MYRF: variants seen among roughly 807,000 people sequenced by gnomAD.
MYRF encodes the protein myelin gene regulatory factor.
A neutral mutation model predicts 126.3 loss-of-function variants in MYRF; 16 were observed. That is an observed-to-expected ratio of 0.13 (90% CI 0.09 to 0.19). The LOEUF (loss-of-function observed/expected upper bound fraction) is 0.19. MYRF is among the 10% of genes least tolerant of loss of function. MYRF has a pLI of 1.00. For synonymous variants in MYRF, 608 were observed against 635.3 expected (o/e 0.96, Z 0.65); for missense variants, 1,104 against 1,547.0 (o/e 0.71, Z 4.80).
intron 1 of MYRF, among the ~76,000 whole-genome samples, chr11:61,763,153 C>A (rs1565282921): frequency 6.6e-6 from 1 of 152,266 alleles, no homozygotes; most frequent in East Asian, 1.9e-4. Flanking sequence ...GGGGGCGACG[C>A]TCCAGGTGGG....
Position 61,786,352 on chromosome 11 carries a change from A to G in MYRF, c.*209A>G. The stretch of plus-strand genomic sequence containing the variant: ...ACGGCACAGAGGGAACCTGAGAGCC[A>G]GAGACTTCTTGGGCCTTCCTGCCTG... On this transcript the variant is annotated 3_prime_UTR_variant, in exon 27 of 27. Coordinates refer to ENST00000278836, the MANE Select transcript of MYRF (RefSeq NM_001127392.3). This position sits in a 1 kb window ranked among gnomAD's most constrained non-coding sequence, Gnocchi z 4.5. 1.7e-6 allele frequency: 1 copy of G among 600,764 alleles called. No homozygotes were observed. Among genetic ancestry groups the G allele is most frequent in the East Asian group, 2.8e-5 (1 of 35,894 alleles). The allele number at this position is 600,764 out of a possible 1,614,324, so 37.2% of individuals were successfully genotyped here. A position where few individuals can be genotyped will look rare whatever the true frequency, so the allele number is the denominator to read the frequency against.
In MYRF at chr11:61,783,981, G is replaced by A. The variant is rs1565308054; in HGVS notation, c.3194+56G>A. The A allele has an allele frequency of 4.5e-6, 7 of 1,544,402 alleles. No homozygotes were observed. Among genetic ancestry groups the A allele is most frequent in the East Asian group, 2.4e-5 (1 of 42,090 alleles). Reference sequence around the variant, plus strand: ...GGAGGGGAGCCAGGGAGAATCTCCCGCAGAGCCTCAGAACAGCCGAGTCTG... The same window carrying A: ...GGAGGGGAGCCAGGGAGAATCTCCCACAGAGCCTCAGAACAGCCGAGTCTG... On this transcript the variant is annotated intron_variant, in intron 24 of 26. Coordinates refer to ENST00000278836, the MANE Select transcript of MYRF (RefSeq NM_001127392.3). The surrounding 1 kb of genome is among the most constrained non-coding windows in gnomAD (Gnocchi z 4.6).
chr11:61,781,724 C>A lies in MYRF; in HGVS notation c.2916C>A (p.Ala972=). ...CCTTCCCTGGGGGGCAGGGCAAAGCCAAGAACAGTCCCAGCCTTGGTTTCC... is the reference window on the plus strand; with the variant it reads ...CCTTCCCTGGGGGGCAGGGCAAAGCAAAGAACAGTCCCAGCCTTGGTTTCC... ...AVPFPGGQGK[A]KNSPSLGFHG... Residue 972 remains alanine (A), a synonymous_variant, in exon 22 of 27, where the codon GCC becomes GCA. Transcript: ENST00000278836. The A allele has an allele frequency of 6.2e-7, 1 of 1,613,356 alleles. No homozygotes were observed. Among genetic ancestry groups the A allele is most frequent in the Non-Finnish European group, 8.5e-7 (1 of 1,180,004 alleles).
Position 61,777,958 on chromosome 11 carries a change from C to T in MYRF, c.1903+113C>T. On this transcript the variant is annotated intron_variant, in intron 13 of 26. Transcript: ENST00000278836. This position sits in a 1 kb window ranked among gnomAD's most constrained non-coding sequence, Gnocchi z 8.8. ...ACTCCTCTTGACTCCCGGAACTGCG[C>T]CCCTGGGAATCATGCCTTCTAGAAG... 2.4e-6 allele frequency: 2 copies of T among 837,302 alleles called. No individual in the cohort carries two copies. The highest frequency in any genetic ancestry group is 1.5e-5 in the South Asian group (1 of 67,230). The allele number at this position is 837,302 out of a possible 1,614,324, so 51.9% of individuals were successfully genotyped here.
At chr11:61,769,237 G>A in intron 3 of MYRF, 23 bp from the exon 4 acceptor site, 1 of 1,529,378 alleles carries the variant, frequency 6.5e-7, no homozygotes, top group Non-Finnish European at 8.9e-7. Flanking sequence ...TCACCCCCCG[G>A]CCCCTTCCCC....
In MYRF at chr11:61,780,974, T is replaced by G. The variant is rs564773522; in HGVS notation, c.2501T>G (p.Phe834Cys). ...EALCPWSSQS[F>C]GTTQLRQSPL... The stretch of plus-strand genomic sequence containing the variant: ...TTCCCCAGCAGGTCCAGCCAGAGCT[T>G]TGGGACCACGCAGCTCCGACAGTCC... The change falls in exon 20 of 27, where the codon TTT (phenylalanine) becomes TGT (cysteine). Residue 834 changes from phenylalanine to cysteine, a missense_variant. Physicochemically the swap from Phe to Cys is radical, Grantham distance 205 (BLOSUM62 -2). Around this residue, in one of 10 missense-constraint regions of MYRF, gnomAD observed 323 missense variants for 383.1 expected, o/e 0.84. Coordinates refer to ENST00000278836, the MANE Select transcript of MYRF (RefSeq NM_001127392.3). 6.2e-7 allele frequency: 1 copy of G among 1,610,022 alleles called. No homozygotes were observed.
rs747141527 is a variant in MYRF, at chr11:61,778,498, G to T, written c.2013+9G>T. 6 of 1,601,286 alleles carry T rather than the reference G, an allele frequency of 3.7e-6. No individual in the cohort carries two copies. In the Admixed American group the frequency reaches 6.7e-5, roughly 18 times the overall value. On this transcript the variant is annotated intron_variant, in intron 14 of 26. Coordinates refer to ENST00000278836, the MANE Select transcript of MYRF (RefSeq NM_001127392.3). The surrounding 1 kb of genome is among the most constrained non-coding windows in gnomAD (Gnocchi z 4.6). ...TCCTGGTGGTGAACAAGGTCTGTGG[G>T]TGGGGGAATGGGAGGGAGCCCAGAG...
intron 4 of MYRF, among the ~76,000 whole-genome samples, 185 bp from the exon 5 acceptor site, chr11:61,770,061 G>A (rs1308647712): frequency 6.6e-6 from 1 of 151,956 alleles, no homozygotes; most frequent in South Asian, 2.1e-4. Context: ...GCAGGTTTGT[G>A]CCTCCCTGCC....
In MYRF at chr11:61,765,650, G is replaced by A. The variant is rs1410270400; in HGVS notation, c.72G>A (p.Glu24=). The A allele has an allele frequency of 6.2e-7, 1 of 1,613,048 alleles. No homozygotes were observed. The highest frequency in any genetic ancestry group is 8.5e-7 in the Non-Finnish European group (1 of 1,179,842). ...GCCACGACATCAACGGTGCCCTGGAGCCCTCCAACATAGACACCAGCATCC... is the reference window on the plus strand; with the variant it reads ...GCCACGACATCAACGGTGCCCTGGAACCCTCCAACATAGACACCAGCATCC... The part of the protein sequence containing the change: ...FEGHDINGAL[E]PSNIDTSILE... The change falls in exon 2 of 27, where the codon GAG becomes GAA. Residue 24 remains glutamate, a synonymous_variant. Coordinates refer to ENST00000278836, the MANE Select transcript of MYRF (RefSeq NM_001127392.3).
intron 8 of MYRF, among the ~76,000 whole-genome samples, chr11:61,774,447 C>T (rs1208391291): frequency 2.0e-5 from 3 of 150,560 alleles, no homozygotes; most frequent in African/African-American, 4.9e-5. Flanking sequence ...CCTTTGAACC[C>T]GGGAGGCGGA....
In MYRF at chr11:61,784,346, G is replaced by A. The variant is rs1188402792; in HGVS notation, c.3261G>A (p.Gly1087=). 1 of 1,614,016 alleles carries A rather than the reference G, an allele frequency of 6.2e-7. No homozygotes were observed. The highest frequency in any genetic ancestry group is 8.5e-7 in the Non-Finnish European group (1 of 1,180,022). Residue 1087 remains glycine (G), a synonymous_variant, in exon 25 of 27, where the codon GGG becomes GGA. Transcript: ENST00000278836. ...CAAAGGAGGAACCATGTGAGGAGGG[G>A]AGCCTTCCACAGAGTCTCCACACCC... is the stretch of plus-strand genomic sequence containing the variant. ...LRSKEEPCEE[G]SLPQSLHTHQ...
At chr11:61,758,247 G>A (rs1280635426) in intron 1 of MYRF, among the ~76,000 whole-genome samples, 8 of 152,208 alleles carry the variant, frequency 5.3e-5, no homozygotes, top group Non-Finnish European at 8.8e-5. Context: ...ACCGGGGTCC[G>A]TGCAGCCACC....
At chr11:61,770,621 C>A in intron 5 of MYRF, 96 bp downstream of exon 5, 1 of 1,226,420 alleles carries the variant, frequency 8.2e-7, no homozygotes, top group Non-Finnish European at 1.1e-6. Flanking sequence ...GAGGTAGGGA[C>A]CGGGATGCAC....
At chr11:61,780,480 G>A (rs554098374) in intron 18 of MYRF, among the ~76,000 whole-genome samples, 190 bp downstream of exon 18, 2 of 152,302 alleles carry the variant, frequency 1.3e-5, no homozygotes, top group East Asian at 1.9e-4. Context: ...CCCTGCTGAC[G>A]CTGATGTTTC....
intron 1 of MYRF, among the ~76,000 whole-genome samples, chr11:61,761,462 G>A (rs146755393): frequency 6.6e-6 from 1 of 152,312 alleles, no homozygotes; most frequent in Admixed American, 6.5e-5. Flanking sequence ...AGTCTGGATC[G>A]CAGCCTGCCT....
Position 61,770,482 on chromosome 11 carries a change from C to A in MYRF, c.697C>A (p.Gln233Lys). 6 of 1,565,040 alleles carry A rather than the reference C, an allele frequency of 3.8e-6. No individual in the cohort carries two copies. Among genetic ancestry groups the A allele is most frequent in the Non-Finnish European group, 5.2e-6 (6 of 1,154,688 alleles). ...GCCCACTGATCTTCACCACACCCAG[C>A]AGTCCCAGATGCTGCACCAGCTCCT... is the stretch of plus-strand genomic sequence containing the variant. ...LVPTDLHHTQ[Q>K]SQMLHQLLQQ... Residue 233 changes from glutamine (Q) to lysine (K), a missense_variant, in exon 5 of 27, where the codon CAG becomes AAG. Around this residue, in one of 10 missense-constraint regions of MYRF, gnomAD observed 368 missense variants for 403.9 expected, o/e 0.91. Coordinates refer to ENST00000278836, the MANE Select transcript of MYRF (RefSeq NM_001127392.3).
rs1180668813 is a variant in MYRF, at chr11:61,776,238, C to T, written c.1389-84C>T. On this transcript the variant is annotated intron_variant, in intron 9 of 26. Coordinates refer to ENST00000278836, the MANE Select transcript of MYRF (RefSeq NM_001127392.3). This position sits in a 1 kb window ranked among gnomAD's most constrained non-coding sequence, Gnocchi z 4.3. ...GTACCCAGGGTGTCCGCCTCATGTA[C>T]GTTGCTGGCCTGGGTGCCCCTCAGT... is the stretch of plus-strand genomic sequence containing the variant. The T allele has an allele frequency of 7.6e-5, 119 of 1,559,832 alleles. No individual in the cohort carries two copies. Among genetic ancestry groups the T allele is most frequent in the Non-Finnish European group, 1.0e-4 (115 of 1,136,446 alleles).
intron 7 of MYRF, among the ~76,000 whole-genome samples, chr11:61,773,724 C>T (rs1308560557): frequency 2.6e-5 from 4 of 152,102 alleles, no homozygotes; most frequent in Non-Finnish European, 5.9e-5. Flanking sequence ...ATCACCAGGG[C>T]GGGGCGGTGG....
intron 1 of MYRF, among the ~76,000 whole-genome samples, chr11:61,763,091 A>C (rs943278424): frequency 6.6e-6 from 1 of 151,946 alleles, no homozygotes; most frequent in African/African-American, 2.4e-5. Context: ...CCCATCATTC[A>C]CCGTAGATTC....
Sources: gnomAD v4.1 joint callset for allele counts (sites outside exome capture counted in the v4.1 genomes callset) on GRCh38, gnomAD v4.1.1 for gene constraint, gnomAD v4.1.1 regional missense constraint, Gnocchi (gnomAD v3.1) non-coding constraint, MANE v1.5 for transcripts, NCBI Gene and HGNC (gene_info 2026-07-23, HGNC 2026-07-21) for gene names.